The following NOX5 variants were observed in gnomAD, a reference collection of about 807,000 sequenced individuals.
NOX5 encodes NADPH oxidase, EF-hand calcium binding domain 5.
NOX5 carries 76 observed loss-of-function variants against 85.7 expected under a neutral mutation model. The observed-to-expected ratio is 0.89, with a 90% CI of 0.74 to 1.07. The LOEUF (loss-of-function observed/expected upper bound fraction) is 1.07. Ranked by LOEUF, NOX5 falls within the 50% of genes least tolerant of loss-of-function variation. The pLI is 0.00. For missense variants in NOX5, 973 were observed against 999.5 expected (o/e 0.97, Z 0.36); for synonymous variants, 405 against 401.4 (o/e 1.01, Z -0.11).
intron 15 of NOX5, 127 bp downstream of exon 15, chr15:69,055,627 A>G: frequency 9.8e-7 from 1 of 1,016,066 alleles, no homozygotes; most frequent in Non-Finnish European, 1.4e-6. Flanking sequence ...TCCAGAAGGG[A>G]CCTCGTGGTG....
Position 69,035,410 on chromosome 15 carries a change from C to A in NOX5, c.912C>A (p.Val304=). 1 of 1,614,206 alleles carries A rather than the reference C, an allele frequency of 6.2e-7. No homozygotes were observed. The highest frequency in any genetic ancestry group is 8.5e-7 in the Non-Finnish European group (1 of 1,180,040). The change falls in exon 6 of 16, where the codon GTC becomes GTA. Residue 304 remains valine (V), a synonymous_variant. Coordinates refer to ENST00000388866, the MANE Select transcript of NOX5 (RefSeq NM_024505.4). ...TGCGGGCCACGTGGCTGGCTCAAGT[C>A]CTACCACTGGACCAGAACATCCAGT... ...TWLRATWLAQ[V]LPLDQNIQFH...
At chr15:69,049,098 C>A (rs776886315) in intron 14 of NOX5, 40 bp downstream of exon 14, 5 of 1,310,270 alleles carry the variant, frequency 3.8e-6, no homozygotes, top group African/African-American at 1.5e-5. Context: ...AGGAGTAGGG[C>A]AGGGGCCTTC....
intron 9 of NOX5, among the ~76,000 whole-genome samples, chr15:69,039,293 G>A: frequency 6.6e-6 from 1 of 152,012 alleles, no homozygotes; most frequent in Non-Finnish European, 1.5e-5. Flanking sequence ...GGAAGGAGAT[G>A]GGGAGGAGGC....
At chr15:69,051,375 T>G (rs2050747139) in intron 14 of NOX5, among the ~76,000 whole-genome samples, 1 of 152,188 alleles carries the variant, frequency 6.6e-6, no homozygotes, top group Non-Finnish European at 1.5e-5. Context: ...GTGGTTCATT[T>G]TACGGCAATG....
intron 4 of NOX5, among the ~76,000 whole-genome samples, chr15:69,032,021 TGA>T (rs2050442078): frequency 6.6e-6 from 1 of 152,134 alleles, no homozygotes; most frequent in Admixed American, 6.5e-5. Flanking sequence ...ACTCAAGGTC[TGA>T]GGCACCTACT....
At chr15:69,042,243 A>T (rs1293947801) in intron 9 of NOX5, among the ~76,000 whole-genome samples, 1 of 152,190 alleles carries the variant, frequency 6.6e-6, no homozygotes, top group Admixed American at 6.5e-5. Flanking sequence ...CACCTGCTAC[A>T]TCCCAGGCAT....
intron 1 of NOX5, among the ~76,000 whole-genome samples, chr15:69,026,309 G>C (rs2050356851): frequency 6.6e-6 from 1 of 152,196 alleles, no homozygotes; most frequent in South Asian, 2.1e-4. Flanking sequence ...AAGCAAGCCT[G>C]GGCCAGCCAA....
chr15:69,023,069 C>G, intron 1 of NOX5: 1 of 442,152 alleles, frequency 2.3e-6, no homozygotes, highest in Admixed American at 2.7e-5. Context: ...CTGGTTACCA[C>G]TGTGAGTTCA....
At chr15:69,050,111 A>G (rs1407069455) in intron 14 of NOX5, among the ~76,000 whole-genome samples, 3 of 152,212 alleles carry the variant, frequency 2.0e-5, no homozygotes, top group African/African-American at 7.2e-5. Context: ...GACGTCTTTC[A>G]CTTAGCATAA....
intron 3 of NOX5, 133 bp from the exon 4 acceptor site, chr15:69,031,385 G>A (rs2050426730): frequency 9.7e-7 from 1 of 1,028,822 alleles, no homozygotes; most frequent in Non-Finnish European, 1.4e-6. Flanking sequence ...GAGCTAGGCA[G>A]TCGGGAACAT....
At chr15:69,046,928 C>T (rs1280634177) in intron 11 of NOX5, 62 bp downstream of exon 11, 1 of 1,571,046 alleles carries the variant, frequency 6.4e-7, no homozygotes, top group Non-Finnish European at 8.7e-7. Flanking sequence ...GAAATGAAGT[C>T]TTTGCCTTTA....
At chr15:69,049,862 G>A (rs539393705) in intron 14 of NOX5, among the ~76,000 whole-genome samples, 5 of 152,222 alleles carry the variant, frequency 3.3e-5, no homozygotes, top group South Asian at 2.1e-4. Flanking sequence ...CAATTTAAGC[G>A]TACAATAAAT....
intron 14 of NOX5, among the ~76,000 whole-genome samples, chr15:69,052,033 C>T (rs1213262235): frequency 6.6e-6 from 1 of 151,966 alleles, no homozygotes; most frequent in Non-Finnish European, 1.5e-5. Context: ...GCAACACAGG[C>T]ACATGCTGTC....
chr15:69,028,278 C>A lies in NOX5; in HGVS notation c.238C>A (p.Gln80Lys), dbSNP rs2050385211. 1 of 1,613,448 alleles carries A rather than the reference C, an allele frequency of 6.2e-7. No homozygotes were observed. The highest frequency in any genetic ancestry group is 8.5e-7 in the Non-Finnish European group (1 of 1,179,764). Reference sequence around the variant, plus strand: ...CGATAGAAGTGGCACCATCACCCTCCAGGAGCTGCAGGAGGCACTGACCCT... The same window carrying A: ...CGATAGAAGTGGCACCATCACCCTCAAGGAGCTGCAGGAGGCACTGACCCT... ...DSDRSGTITL[Q>K]ELQEALTLLI... Residue 80 changes from glutamine to lysine, a missense_variant, in exon 3 of 16, where the codon CAG becomes AAG. Gln to Lys is a moderately conservative substitution (Grantham distance 53, BLOSUM62 1). Transcript: ENST00000388866.
intron 5 of NOX5, 76 bp downstream of exon 5, chr15:69,033,353 C>A: frequency 1.4e-6 from 2 of 1,455,700 alleles, no homozygotes; most frequent in Non-Finnish European, 1.8e-6. Flanking sequence ...ACAGAGCGAC[C>A]CACAGAGGAC....
At chr15:69,021,016 TCTAA>T (rs1194727888) in intron 1 of NOX5, among the ~76,000 whole-genome samples, 1 of 152,178 alleles carries the variant, frequency 6.6e-6, no homozygotes, top group Non-Finnish European at 1.5e-5. Context: ...TAAACTAAGT[TCTAA>T]CTAACTAATT....
At chr15:69,047,345 A>G in intron 11 of NOX5, 68 bp from the exon 12 acceptor site, 1 of 1,482,082 alleles carries the variant, frequency 6.7e-7, no homozygotes, top group Non-Finnish European at 9.0e-7. Flanking sequence ...CCCTGGGGAC[A>G]TCCCCTGGTA....
intron 14 of NOX5, among the ~76,000 whole-genome samples, chr15:69,054,557 GC>G (rs1370791409): frequency 6.6e-6 from 1 of 152,182 alleles, no homozygotes; most frequent in African/African-American, 2.4e-5. Context: ...CTCCAGCCGG[GC>G]ACCACACCTT....
At chr15:69,027,586 C>A (rs1221615314) in intron 2 of NOX5, among the ~76,000 whole-genome samples, 1 of 152,146 alleles carries the variant, frequency 6.6e-6, no homozygotes, top group African/African-American at 2.4e-5. Flanking sequence ...TTTGGGACAC[C>A]CATCATCCAA....
Sources: allele counts gnomAD v4.1 joint callset (sites outside exome capture counted in the v4.1 genomes callset), GRCh38; gene constraint gnomAD v4.1.1; transcripts MANE v1.5; gene names NCBI Gene and HGNC (gene_info 2026-07-23, HGNC 2026-07-21).